The following NAV3 variants were observed in gnomAD, a reference collection of about 807,000 sequenced individuals.
NAV3 encodes the protein neuron navigator 3, also known as pore membrane and/or filament interacting like protein 1.
In NAV3, 87 loss-of-function variants were observed where a neutral mutation model predicts 244.7. The ratio of observed to expected loss-of-function variants is 0.36; its 90% CI spans 0.30 to 0.42. The LOEUF (loss-of-function observed/expected upper bound fraction) is 0.42, where lower values mean the gene tolerates loss of function less well. Among genes scored for constraint, NAV3 ranks in the 20% least tolerant of loss-of-function variants. The pLI is 1.00. For synonymous variants in NAV3, 1,126 were observed against 1,042.2 expected (o/e 1.08, Z -1.55); for missense variants, 2,663 against 2,893.3 (o/e 0.92, Z 1.83).
At chr12:77,968,798 C>A in intron 5 of NAV3, 96 bp downstream of exon 5, 1 of 1,180,982 alleles carries the variant, frequency 8.5e-7, no homozygotes, top group South Asian at 1.5e-5. Context: ...AAAACGTACT[C>A]ATGTGCTTGT....
chr12:77,970,519 A>T (rs1383298269), intron 5 of NAV3, among the ~76,000 whole-genome samples: 1 of 152,186 alleles, frequency 6.6e-6, no homozygotes, highest in African/African-American at 2.4e-5. Context: ...GTGAATTTTT[A>T]AATAAATTTT....
intron 6 of NAV3, among the ~76,000 whole-genome samples, chr12:77,997,467 G>A (rs1872554672): frequency 6.6e-6 from 1 of 152,118 alleles, no homozygotes; most frequent in African/African-American, 2.4e-5. Context: ...TTCAAATAAA[G>A]CAGCAGTAAG....
At chr12:77,989,102 C>T (rs796650405) in intron 5 of NAV3, among the ~76,000 whole-genome samples, 45 of 152,154 alleles carry the variant, frequency 3.0e-4, no homozygotes, top group African/African-American at 1.1e-3. Context: ...ATATTTCTGT[C>T]CTCCCTCTAT....
In NAV3 at chr12:78,107,431, T is replaced by C. The variant is rs116052359; in HGVS notation, c.2637-9341T>C. On this transcript the variant is annotated intron_variant, in intron 12 of 39. Coordinates refer to ENST00000397909, the MANE Select transcript of NAV3 (RefSeq NM_001024383.2). ...AGGCCGATAAAACGCAAAAAGGTCT[T>C]ATACACAGCACATTACAATCAGACT... Among the ~76,000 whole-genome samples, 821 of 152,206 alleles carry C rather than the reference T, an allele frequency of 5.4e-3. 10 individuals carry two copies. Among genetic ancestry groups the C allele is most frequent in the African/African-American group, 0.019 (785 of 41,526 alleles).
chr12:77,815,314 G>C (rs1410468480), intron 2 of NAV3, among the ~76,000 whole-genome samples: 2 of 152,156 alleles, frequency 1.3e-5, no homozygotes, highest in Non-Finnish European at 2.9e-5. Context: ...GAGGCTACTG[G>C]AGTGAGCAGT....
At chr12:78,117,157 G>GATTATA in intron 13 of NAV3, among the ~76,000 whole-genome samples, 1 of 11,614 alleles carries the variant, frequency 8.6e-5, no homozygotes, top group Non-Finnish European at 1.4e-4. Context: ...AACAGAAGCA[G>GATTATA]CATATATATA....
chr12:78,110,435 T>C (rs1955029581), intron 12 of NAV3, among the ~76,000 whole-genome samples: 1 of 152,024 alleles, frequency 6.6e-6, no homozygotes, highest in East Asian at 1.9e-4. Context: ...AGAATAATCC[T>C]AAAATTAGTA....
chr12:78,112,601 A>T (rs1955155004), intron 12 of NAV3, among the ~76,000 whole-genome samples: 2 of 152,122 alleles, frequency 1.3e-5, no homozygotes, highest in Non-Finnish European at 2.9e-5. Context: ...TCACTCTCAC[A>T]AGAACACAAT....
At chr12:77,908,489 G>A (rs1312768338) in intron 1 of NAV3, among the ~76,000 whole-genome samples, 1 of 151,932 alleles carries the variant, frequency 6.6e-6, no homozygotes, top group Non-Finnish European at 1.5e-5. Flanking sequence ...CAATGATACA[G>A]GTATTTTTAA....
At chr12:77,955,258 C>T (rs148690794) in intron 3 of NAV3, among the ~76,000 whole-genome samples, 27 of 152,280 alleles carry the variant, frequency 1.8e-4, no homozygotes, top group African/African-American at 6.0e-4. Flanking sequence ...CCTCAACCTA[C>T]GCTGTTTCTC....
At chr12:77,756,237 C>A (rs1277119508) in intron 2 of NAV3, among the ~76,000 whole-genome samples, 1 of 152,018 alleles carries the variant, frequency 6.6e-6, no homozygotes, top group Admixed American at 6.5e-5. Context: ...TTATTAAAAG[C>A]AAGTGTTTAT....
intron 2 of NAV3, among the ~76,000 whole-genome samples, chr12:77,607,988 T>G (rs1337600348): frequency 1.3e-5 from 2 of 152,148 alleles, no homozygotes; most frequent in African/African-American, 2.4e-5. Context: ...GATGTGAAAG[T>G]GTAACTTCTT....
intron 2 of NAV3, among the ~76,000 whole-genome samples, chr12:77,728,197 C>A (rs1027762843): frequency 6.6e-6 from 1 of 151,944 alleles, no homozygotes; most frequent in African/African-American, 2.4e-5. Context: ...CCTGTTAGGG[C>A]AAGACTTCCT....
chr12:78,089,382 A>G (rs1018956592), intron 12 of NAV3, among the ~76,000 whole-genome samples: 1 of 152,184 alleles, frequency 6.6e-6, no homozygotes, highest in African/African-American at 2.4e-5. Context: ...CTATTTTAGC[A>G]TATTAAGAGA....
rs1260866294 is a variant in NAV3 at position 78,190,191 on chromosome 12, C to G, written c.6263C>G (p.Thr2088Ser). The change falls in exon 34 of 40, where the codon ACT (threonine) becomes AGT (serine). Residue 2088 changes from threonine to serine, a missense_variant. Thr to Ser is a moderately conservative substitution (Grantham distance 58, BLOSUM62 1). Around this residue, in one of 6 missense-constraint regions of NAV3, gnomAD observed 543 missense variants for 672.4 expected, o/e 0.81. Transcript: ENST00000397909. ...GRKKTEDAIA[T>S]FNVDHKSSKE... ...AAAAAAACAGAGGATGCAATTGCCA[C>G]TTTTAATGTGGACCACAAGTCAAGT... The G allele has an allele frequency of 3.1e-6, 5 of 1,612,212 alleles. No homozygotes were observed. The highest frequency in any genetic ancestry group is 4.2e-6 in the Non-Finnish European group (5 of 1,179,240).
intron 11 of NAV3, 58 bp downstream of exon 11, chr12:78,051,205 T>C: frequency 6.5e-7 from 1 of 1,532,266 alleles, no homozygotes; most frequent in Non-Finnish European, 8.8e-7. Flanking sequence ...TCTACTATAA[T>C]GCATTCACTA....
chr12:78,052,315 G>T (rs1277818486), intron 11 of NAV3: 2 of 152,086 alleles, frequency 1.3e-5, no homozygotes, highest in African/African-American at 4.8e-5. Context: ...CACCCTACCT[G>T]ACTTTCTAAA....
At position 77,863,162 on chromosome 12, in the gene NAV3, T is replaced by G. The variant is rs186777676; in HGVS notation, c.243+31458T>G. ...ATATTTAAAATGAAAGGGCTGGGGA[T>G]GCCAACTGTCCAAATATTACAGAAA... On this transcript the variant is annotated intron_variant, in intron 1 of 39. Coordinates refer to ENST00000397909, the MANE Select transcript of NAV3 (RefSeq NM_001024383.2). Among the ~76,000 whole-genome samples the G allele has an allele frequency of 2.7e-3, 415 of 151,992 alleles. 1 individual carries two copies. Among genetic ancestry groups the G allele is most frequent in the African/African-American group, 9.5e-3 (394 of 41,552 alleles).
At chr12:77,993,412 G>A (rs987727330) in intron 5 of NAV3, among the ~76,000 whole-genome samples, 2 of 152,000 alleles carry the variant, frequency 1.3e-5, no homozygotes, top group African/African-American at 2.4e-5. Flanking sequence ...GAGACAGTTT[G>A]GTTTTTATTT....
Sources: allele counts gnomAD v4.1 joint callset (sites outside exome capture counted in the v4.1 genomes callset), GRCh38; gene constraint gnomAD v4.1.1; regional missense constraint gnomAD v4.1.1; transcripts MANE v1.5; gene names NCBI Gene and HGNC (gene_info 2026-07-23, HGNC 2026-07-21).